The following DENND1B variants were observed in gnomAD, a reference collection of about 807,000 sequenced individuals.
The protein encoded by DENND1B is DENN domain-containing protein 1B.
DENND1B carries 59 observed loss-of-function variants against 90.1 expected under a neutral mutation model. That is an observed-to-expected ratio of 0.65 (90% CI 0.53 to 0.81). The LOEUF (loss-of-function observed/expected upper bound fraction) is 0.81. DENND1B is among the 40% of genes least tolerant of loss of function. DENND1B has a pLI of 0.00. For synonymous variants in DENND1B, 337 were observed against 324.6 expected (o/e 1.04, Z -0.41); for missense variants, 862 against 912.6 (o/e 0.94, Z 0.71).
intron 13 of DENND1B, among the ~76,000 whole-genome samples, chr1:197,601,774 A>G (rs796980668): frequency 2.6e-5 from 4 of 151,782 alleles, no homozygotes; most frequent in African/African-American, 9.6e-5. Flanking sequence ...TACTCAATTG[A>G]GAGAAACTAA....
chr1:197,734,543 T>C (rs1486537868), intron 2 of DENND1B: 1 of 974,712 alleles, frequency 1.0e-6, no homozygotes, highest in Non-Finnish European at 1.2e-6. Context: ...ATAGATGTTT[T>C]GTGTTATTGG....
chr1:197,687,215 T>C (rs1657338607), intron 3 of DENND1B, among the ~76,000 whole-genome samples: 1 of 152,192 alleles, frequency 6.6e-6, no homozygotes. Flanking sequence ...GGCCTCTCTG[T>C]GCCTCAGCTT....
rs1677215342 is a variant in DENND1B, at chr1:197,611,922, G to T, written c.819+9C>A. On this transcript the variant is annotated intron_variant, in intron 12 of 22. Coordinates refer to ENST00000620048, the MANE Select transcript of DENND1B (RefSeq NM_001195215.2). Reference sequence around the variant, plus strand: ...TTTTATCACTGTCTCATGTCTGAAAGATACTCACCTCTATGAGGCTGGAGT... The same window carrying T: ...TTTTATCACTGTCTCATGTCTGAAATATACTCACCTCTATGAGGCTGGAGT... The T allele has an allele frequency of 1.2e-6, 2 of 1,601,576 alleles. No individual in the cohort carries two copies. Among genetic ancestry groups the T allele is most frequent in the African/African-American group, 1.3e-5 (1 of 74,110 alleles).
chr1:197,653,061 G>A lies in DENND1B; in HGVS notation c.367-746C>T, dbSNP rs191908349. ...AGAAGTTAGCAATTTTAATAAGTTT[G>A]GATACGAGATATAGACTTCTCACGA... On this transcript the variant is annotated intron_variant, in intron 6 of 22. Transcript: ENST00000620048. 2.6e-5 allele frequency among the ~76,000 whole-genome samples: 4 copies of A among 151,744 alleles called. No homozygotes were observed. The East Asian group carries it at 7.7e-4, about 29-fold the overall frequency.
intron 10 of DENND1B, among the ~76,000 whole-genome samples, chr1:197,626,225 T>C (rs1436592656): frequency 6.6e-6 from 1 of 152,002 alleles, no homozygotes; most frequent in East Asian, 1.9e-4. Flanking sequence ...ATACATTTTT[T>C]TCAGCACCAT....
At chr1:197,584,814 G>A (rs1271282716) in intron 14 of DENND1B, among the ~76,000 whole-genome samples, 1 of 152,068 alleles carries the variant, frequency 6.6e-6, no homozygotes, top group Non-Finnish European at 1.5e-5. Flanking sequence ...TGGGACTACA[G>A]GCACATGCCA....
At chr1:197,740,891 G>C (rs1167515549) in intron 2 of DENND1B, among the ~76,000 whole-genome samples, 2 of 152,144 alleles carry the variant, frequency 1.3e-5, no homozygotes. Flanking sequence ...ACATTCACTT[G>C]CTTTCCTGAC....
chr1:197,648,185 A>G (rs1275989857), intron 7 of DENND1B, among the ~76,000 whole-genome samples: 2 of 152,112 alleles, frequency 1.3e-5, no homozygotes, highest in African/African-American at 4.8e-5. Context: ...ACCAACCAAC[A>G]CCTGAATAGC....
chr1:197,730,499 A>G (rs933707736), intron 2 of DENND1B, among the ~76,000 whole-genome samples: 1 of 152,100 alleles, frequency 6.6e-6, no homozygotes, highest in African/African-American at 2.4e-5. Flanking sequence ...ATAATTAAAC[A>G]TTTCATGAAT....
intron 2 of DENND1B, among the ~76,000 whole-genome samples, chr1:197,738,742 G>GCT (rs552189970): frequency 6.6e-6 from 1 of 152,098 alleles, no homozygotes; most frequent in African/African-American, 2.4e-5. Context: ...AACTGTATTT[G>GCT]CTCTCTCTCT....
chr1:197,587,830 A>G (rs1013718962), intron 14 of DENND1B, among the ~76,000 whole-genome samples: 5 of 152,150 alleles, frequency 3.3e-5, no homozygotes, highest in African/African-American at 1.2e-4. Context: ...TGTAGAATCA[A>G]TCAGTGGGAG....
chr1:197,683,460 C>A (rs1270112318), intron 3 of DENND1B, among the ~76,000 whole-genome samples: 2 of 151,778 alleles, frequency 1.3e-5, no homozygotes, highest in Non-Finnish European at 2.9e-5. Context: ...ATGGTGCTGG[C>A]CTGAAATAAG....
intron 4 of DENND1B, 67 bp downstream of exon 4, chr1:197,674,053 C>T: frequency 9.1e-7 from 1 of 1,093,274 alleles, no homozygotes; most frequent in Non-Finnish European, 1.3e-6. Flanking sequence ...TAAAAAAGCA[C>T]ATGTAATCAT....
intron 3 of DENND1B, among the ~76,000 whole-genome samples, chr1:197,713,877 G>A (rs569208680): frequency 0.013 from 3 of 232 alleles, no homozygotes; most frequent in African/African-American, 0.023. Context: ...TATAACTATT[G>A]TTATATATAA....
chr1:197,657,946 G>A (rs932822041), intron 6 of DENND1B, among the ~76,000 whole-genome samples: 2 of 152,120 alleles, frequency 1.3e-5, no homozygotes, highest in African/African-American at 2.4e-5. Context: ...GCTGCAACAT[G>A]GATGAATCTT....
At chr1:197,547,106 A>G (rs1474381801) in intron 16 of DENND1B, among the ~76,000 whole-genome samples, 1 of 152,148 alleles carries the variant, frequency 6.6e-6, no homozygotes, top group Non-Finnish European at 1.5e-5. Flanking sequence ...GTCACAATAA[A>G]AAAACAAAAT....
At chr1:197,671,919 A>AT in intron 5 of DENND1B, 118 bp downstream of exon 5, 1 of 1,082,990 alleles carries the variant, frequency 9.2e-7, no homozygotes. Context: ...AATCAGGAAA[A>AT]TTATTTTTCA....
intron 2 of DENND1B, among the ~76,000 whole-genome samples, chr1:197,731,471 G>T (rs1339548874): frequency 1.3e-5 from 2 of 152,108 alleles, no homozygotes; most frequent in East Asian, 3.9e-4. Flanking sequence ...ATTATCATTT[G>T]AAGTCTAAAA....
At chr1:197,588,498 T>G (rs778889237) in intron 14 of DENND1B, among the ~76,000 whole-genome samples, 1 of 152,138 alleles carries the variant, frequency 6.6e-6, no homozygotes, top group Non-Finnish European at 1.5e-5. Context: ...AAATGTGAAA[T>G]ATAATCCAAA....
Sources: gnomAD v4.1 joint callset for allele counts (sites outside exome capture counted in the v4.1 genomes callset) on GRCh38, gnomAD v4.1.1 for gene constraint, MANE v1.5 for transcripts, NCBI Gene and HGNC (gene_info 2026-07-23, HGNC 2026-07-21) for gene names.